Variants in RNF214 observed in about 807,000 individuals in gnomAD.
The protein encoded by RNF214 is ring finger protein 214.
Under a neutral mutation model 75.9 loss-of-function variants are expected in RNF214, and 25 were observed. That is an observed-to-expected ratio of 0.33 (90% confidence interval 0.24 to 0.46). The LOEUF (loss-of-function observed/expected upper bound fraction) is 0.46. Among genes scored for constraint, RNF214 ranks in the 20% least tolerant of loss-of-function variants. RNF214 has a pLI of 1.00. For missense variants in RNF214, 725 were observed against 857.5 expected, an observed-to-expected ratio of 0.85 and a Z score of 1.93; for synonymous variants, 314 against 308.8, an observed-to-expected ratio of 1.02 and a Z score of -0.18.
At chr11:117,267,155 A>G (rs1015579234) in intron 6 of RNF214, among the ~76,000 whole-genome samples, 1 of 152,078 alleles carries the variant, frequency 6.6e-6, no homozygotes, top group Non-Finnish European at 1.5e-5. Context: ...ATTTTATCAG[A>G]TATGTATTTC....
At chr11:117,246,693 T>C in intron 5 of RNF214, 116 bp from the exon 6 acceptor site, 1 of 1,077,108 alleles carries the variant, frequency 9.3e-7, no homozygotes, top group South Asian at 2.5e-5. Flanking sequence ...TCAATTCAAT[T>C]TGAATTCACT....
rs73580321 is a variant in RNF214 at position 117,233,705 on chromosome 11, G to A, written c.-6-562G>A. Among the ~76,000 whole-genome samples the A allele has an allele frequency of 3.7e-3, 559 of 152,300 alleles. 2 individuals carry two copies. Among genetic ancestry groups the A allele is most frequent in the African/African-American group, 0.013 (535 of 41,552 alleles). On this transcript the variant is annotated intron_variant, in intron 1 of 14. Coordinates refer to ENST00000300650, the MANE Select transcript of RNF214 (RefSeq NM_207343.4). ...GAAGAGTCTGTTCTTTGCTCAGTTA[G>A]TGGGTATCAGGCCTTTCCCATCTGT... is the stretch of plus-strand genomic sequence containing the variant.
intron 6 of RNF214, among the ~76,000 whole-genome samples, chr11:117,263,110 T>C (rs557743177): frequency 6.7e-6 from 1 of 148,210 alleles, no homozygotes; most frequent in African/African-American, 2.5e-5. Context: ...CCCAGCCACT[T>C]TTTTTTTTTC....
At position 117,251,740 on chromosome 11, in the gene RNF214, A is replaced by C. The variant is rs760392617; in HGVS notation, c.959+4792A>C. On this transcript the variant is annotated intron_variant, in intron 6 of 14. Transcript: ENST00000300650. ...AAGCAAGCAAGACGTGAAGTGGGGGAGTGAGGCCAGATCAGAAAGGCTTTT... is the reference window on the plus strand; with the variant it reads ...AAGCAAGCAAGACGTGAAGTGGGGGCGTGAGGCCAGATCAGAAAGGCTTTT... 7.2e-4 allele frequency among the ~76,000 whole-genome samples: 109 copies of C among 152,084 alleles called. 1 individual carries two copies. Among genetic ancestry groups the C allele is most frequent in the Non-Finnish European group, 1.3e-3 (88 of 68,006 alleles).
At chr11:117,240,126 G>A (rs2033030320) in intron 4 of RNF214, among the ~76,000 whole-genome samples, 1 of 152,014 alleles carries the variant, frequency 6.6e-6, no homozygotes, top group Non-Finnish European at 1.5e-5. Context: ...GCCGAAGTGG[G>A]TGGATCGCTT....
chr11:117,272,002 G>A (rs1265262730), intron 6 of RNF214, among the ~76,000 whole-genome samples: 7 of 152,076 alleles, frequency 4.6e-5, no homozygotes, highest in African/African-American at 1.4e-4. Flanking sequence ...TCTTAGAGGC[G>A]AGGGTCTTGC....
intron 6 of RNF214, among the ~76,000 whole-genome samples, chr11:117,249,467 G>A (rs1413047220): frequency 6.6e-6 from 1 of 152,076 alleles, no homozygotes. Context: ...TCAGTTTTCC[G>A]GAAGCAGGGG....
At chr11:117,268,797 A>AT (rs1368639248) in intron 6 of RNF214, among the ~76,000 whole-genome samples, 1 of 152,194 alleles carries the variant, frequency 6.6e-6, no homozygotes, top group African/African-American at 2.4e-5. Flanking sequence ...TCTTAACAAT[A>AT]TTGAGTCTTC....
chr11:117,245,551 C>T (rs773128400), intron 5 of RNF214, among the ~76,000 whole-genome samples: 3 of 151,848 alleles, frequency 2.0e-5, no homozygotes, highest in Non-Finnish European at 4.4e-5. Flanking sequence ...ACCATGTTAG[C>T]CAGGATGGTC....
intron 6 of RNF214, among the ~76,000 whole-genome samples, chr11:117,256,270 C>T (rs1303358184): frequency 6.6e-6 from 1 of 152,162 alleles, no homozygotes; most frequent in Non-Finnish European, 1.5e-5. Flanking sequence ...ATATAGTTAG[C>T]TTCTTGAGGA....
intron 6 of RNF214, among the ~76,000 whole-genome samples, chr11:117,264,832 G>A (rs563277002): frequency 6.6e-6 from 1 of 152,142 alleles, no homozygotes; most frequent in Admixed American, 6.5e-5. Flanking sequence ...GGGAAGCCAA[G>A]GTGGGCGGAT....
chr11:117,275,825 C>T (rs539717080), intron 6 of RNF214, among the ~76,000 whole-genome samples: 2 of 152,270 alleles, frequency 1.3e-5, no homozygotes, highest in Admixed American at 6.5e-5. Context: ...AGAACTGATA[C>T]CAATCCTACT....
chr11:117,234,424 G>C, intron 2 of RNF214, 45 bp downstream of exon 2: 1 of 1,379,492 alleles, frequency 7.2e-7, no homozygotes, highest in Non-Finnish European at 1.0e-6. Context: ...TGGGTAAAGG[G>C]TTTTTGAGAT....
At chr11:117,275,309 T>A (rs1404338433) in intron 6 of RNF214, among the ~76,000 whole-genome samples, 1 of 151,192 alleles carries the variant, frequency 6.6e-6, no homozygotes, top group Non-Finnish European at 1.5e-5. Flanking sequence ...AAAAGACAGG[T>A]CACAAATTGA....
In RNF214 at chr11:117,285,681, A is replaced by G. The variant is rs1358920349; in HGVS notation, c.*530A>G. 1 of 152,696 alleles carries G rather than the reference A, an allele frequency of 6.5e-6. No individual in the cohort carries two copies. The highest frequency in any genetic ancestry group is 1.9e-4 in the East Asian group (1 of 5,206). 9.5% of individuals were successfully genotyped at this position (152,696 alleles called of 1,614,324 possible). ...AAAATGAGACTCTGATTGAGGAAAA[A>G]AAAGTAACCCTAGTAGTTTGACTTC... is the stretch of plus-strand genomic sequence containing the variant. On this transcript the variant is annotated 3_prime_UTR_variant, in exon 15 of 15. Transcript: ENST00000300650.
rs2034152058 is a variant in RNF214, at chr11:117,282,637, G to A, written c.1845+101G>A. On this transcript the variant is annotated intron_variant, in intron 12 of 14. Coordinates refer to ENST00000300650, the MANE Select transcript of RNF214 (RefSeq NM_207343.4). The stretch of plus-strand genomic sequence containing the variant: ...GTGGGAAGAAGCATTCCAGTCAGAG[G>A]TAGCTAGTCTGCTTTTTTCCTTTCC... 6 of 1,548,258 alleles carry A rather than the reference G, an allele frequency of 3.9e-6. No homozygotes were observed. In the East Asian group the frequency reaches 1.1e-4, roughly 29 times the overall value.
At chr11:117,238,577 C>T (rs773866554) in intron 2 of RNF214, 24 bp from the exon 3 acceptor site, 1 of 1,576,804 alleles carries the variant, frequency 6.3e-7, no homozygotes. Context: ...ATATACTTTT[C>T]TTTTTATCTT....
chr11:117,239,849 G>T lies in RNF214; in HGVS notation c.667G>T (p.Glu223Ter), dbSNP rs1410054815. Residue 223 changes from glutamate to a stop codon, truncating the protein, a stop_gained, in exon 4 of 15, where the codon GAA becomes TAA. Coordinates refer to ENST00000300650, the MANE Select transcript of RNF214 (RefSeq NM_207343.4). LOFTEE classifies it high-confidence loss of function. Reference protein sequence around the residue: ...DSEVNTDQDIEKNLDKMMTER... With the variant: ...DSEVNTDQDI ...AGAGGTAAACACAGATCAAGATATT[G>T]AAAAGAATTTGGTAAGTATTTAAAC... The T allele has an allele frequency of 1.3e-6, 2 of 1,547,984 alleles. No individual in the cohort carries two copies. Among genetic ancestry groups the T allele is most frequent in the South Asian group, 1.1e-5 (1 of 89,676 alleles).
intron 6 of RNF214, among the ~76,000 whole-genome samples, chr11:117,271,805 G>A (rs773030905): frequency 9.2e-5 from 14 of 152,112 alleles, no homozygotes; most frequent in African/African-American, 3.4e-4. Context: ...AACAAAGTTT[G>A]AGGTGTTTTT....
Sources: allele counts gnomAD v4.1 joint callset (sites outside exome capture counted in the v4.1 genomes callset), GRCh38; gene constraint gnomAD v4.1.1; transcripts MANE v1.5; gene names NCBI Gene and HGNC (gene_info 2026-07-23, HGNC 2026-07-21).